The following CCDC85A variants were observed in gnomAD, a reference collection of about 807,000 sequenced individuals.
CCDC85A encodes coiled-coil domain-containing protein 85A.
A neutral mutation model predicts 50.2 loss-of-function variants in CCDC85A; 38 were observed. That is an observed-to-expected ratio of 0.76 (90% CI 0.58 to 0.99). The LOEUF is 0.99. Among genes scored for constraint, CCDC85A ranks in the 50% least tolerant of loss-of-function variants. CCDC85A has a pLI of 0.00. For synonymous variants in CCDC85A, 366 were observed against 301.4 expected (o/e 1.21, Z -2.22); for missense variants, 820 against 742.0 (o/e 1.11, Z -1.22).
intron 3 of CCDC85A, among the ~76,000 whole-genome samples, chr2:56,356,944 T>A (rs898840811): frequency 8.6e-5 from 13 of 151,586 alleles, no homozygotes; most frequent in Non-Finnish European, 8.8e-5. Flanking sequence ...CCAGGCGTGG[T>A]GGTGGGCACC....
intron 2 of CCDC85A, among the ~76,000 whole-genome samples, chr2:56,322,381 T>C (rs1673245661): frequency 1.3e-5 from 2 of 152,134 alleles, no homozygotes; most frequent in Admixed American, 1.3e-4. Flanking sequence ...AGAAAATTTT[T>C]GCAATCTACT....
chr2:56,340,483 CT>C (rs752544179), intron 2 of CCDC85A, among the ~76,000 whole-genome samples: 2 of 152,134 alleles, frequency 1.3e-5, no homozygotes, highest in African/African-American at 2.4e-5. Context: ...CCATATGAGT[CT>C]GCAGCAGCCC....
At chr2:56,383,653 T>C (rs771868571) in intron 5 of CCDC85A, 5 of 984,978 alleles carry the variant, frequency 5.1e-6, no homozygotes, top group Non-Finnish European at 6.0e-6. Context: ...TAGCTAAGAT[T>C]TGTGACAACT....
Position 56,192,706 on chromosome 2 carries a change from G to T in CCDC85A, c.506G>T (p.Cys169Phe). The change falls in exon 2 of 6, where the codon TGT (cysteine) becomes TTT (phenylalanine). Residue 169 changes from cysteine to phenylalanine, a missense_variant. Physicochemically the swap from Cys to Phe is radical, Grantham distance 205. Coordinates refer to ENST00000407595, the MANE Select transcript of CCDC85A (RefSeq NM_001080433.2). This position sits in a 1 kb window ranked among gnomAD's most constrained non-coding sequence, Gnocchi z 4.7. ...VKENMELKEL[C>F]VLLDEEKGAG... is the part of the protein sequence containing the mutation. ...GAGAACATGGAGCTCAAGGAGCTCT[G>T]TGTGCTACTAGATGAGGAGAAGGGT... is the stretch of plus-strand genomic sequence containing the variant. 4 of 1,613,866 alleles carry T rather than the reference G, an allele frequency of 2.5e-6. No individual in the cohort carries two copies. Among genetic ancestry groups the T allele is most frequent in the Non-Finnish European group, 2.5e-6 (3 of 1,179,872 alleles).
At chr2:56,331,946 C>CG (rs1558645386) in intron 2 of CCDC85A, among the ~76,000 whole-genome samples, 1 of 152,194 alleles carries the variant, frequency 6.6e-6, no homozygotes, top group Non-Finnish European at 1.5e-5. Flanking sequence ...GCCCCCTCCC[C>CG]GCCCCCCAGG....
chr2:56,264,327 T>G (rs1386480664), intron 2 of CCDC85A, among the ~76,000 whole-genome samples: 1 of 152,102 alleles, frequency 6.6e-6, no homozygotes, highest in Non-Finnish European at 1.5e-5. Context: ...GCTTCTAATA[T>G]TCCCATCTTC....
intron 2 of CCDC85A, among the ~76,000 whole-genome samples, chr2:56,248,896 G>A (rs1011667954): frequency 6.6e-6 from 1 of 152,142 alleles, no homozygotes; most frequent in African/African-American, 2.4e-5. Context: ...ATAGTATGAT[G>A]CCAAAATCCA....
At chr2:56,300,546 C>G (rs1363398318) in intron 2 of CCDC85A, among the ~76,000 whole-genome samples, 1 of 152,136 alleles carries the variant, frequency 6.6e-6, no homozygotes, top group Non-Finnish European at 1.5e-5. Flanking sequence ...GATCCAGTGA[C>G]ACTAGTTAGA....
chr2:56,292,502 C>T (rs1671760417), intron 2 of CCDC85A, among the ~76,000 whole-genome samples: 1 of 152,160 alleles, frequency 6.6e-6, no homozygotes, highest in South Asian at 2.1e-4. Flanking sequence ...CCTTCCACAA[C>T]CCTCTCTCAG....
chr2:56,195,557 A>G (rs1194003536), intron 2 of CCDC85A, among the ~76,000 whole-genome samples: 2 of 152,216 alleles, frequency 1.3e-5, no homozygotes, highest in Admixed American at 6.5e-5. Flanking sequence ...GCACAATGAG[A>G]TGTTTATGGA....
rs1558575829 is a variant in CCDC85A, at chr2:56,192,449, C to CCT, written c.277-27_277-26dup. The CCT allele has an allele frequency of 6.3e-7, 1 of 1,581,026 alleles. No individual in the cohort carries two copies. The highest frequency in any genetic ancestry group is 1.7e-5 in the Admixed American group (1 of 57,184). On this transcript the variant is annotated intron_variant, in intron 1 of 5. Coordinates refer to ENST00000407595, the MANE Select transcript of CCDC85A (RefSeq NM_001080433.2). This position sits in a 1 kb window ranked among gnomAD's most constrained non-coding sequence, Gnocchi z 4.7. ...TGCTGACACCTCAGATGTGTACTTC[C>CCT]CTTGAATGGTTGTGTCTCTCTTTTC... is the stretch of plus-strand genomic sequence containing the variant.
At chr2:56,348,050 T>TA (rs1179345800) in intron 3 of CCDC85A, among the ~76,000 whole-genome samples, 1 of 152,198 alleles carries the variant, frequency 6.6e-6, no homozygotes, top group African/African-American at 2.4e-5. Flanking sequence ...AAGTTATTAT[T>TA]AAACTATTCT....
chr2:56,287,445 T>C (rs72803026), intron 2 of CCDC85A, among the ~76,000 whole-genome samples: 17,398 of 152,220 alleles, frequency 0.11, 1,149 homozygotes, highest in Admixed American at 0.17. Flanking sequence ...TTCTCTTCTC[T>C]CAACAATTAC....
rs752911674 is a variant in CCDC85A at position 56,193,192 on chromosome 2, A to G, written c.992A>G (p.His331Arg). 16 of 1,612,206 alleles carry G rather than the reference A, an allele frequency of 9.9e-6. No homozygotes were observed. In the African/African-American group the frequency reaches 2.0e-4, roughly 20 times the overall value. The change falls in exon 2 of 6, where the codon CAC becomes CGC. Residue 331 changes from histidine (H) to arginine (R), a missense_variant. Transcript: ENST00000407595. ...GGGAGCAGCCCTGAACACGCCAGGC[A>G]CAGTGGAGGGAGCCCGGAGCATCTT... is the stretch of plus-strand genomic sequence containing the variant. ...RSGSSPEHAR[H>R]SGGSPEHLQK... is the part of the protein sequence containing the mutation.
chr2:56,317,650 C>A (rs1302722521), intron 2 of CCDC85A, among the ~76,000 whole-genome samples: 1 of 151,994 alleles, frequency 6.6e-6, no homozygotes, highest in African/African-American at 2.4e-5. Flanking sequence ...TTTCAAAGCT[C>A]CCCTGCAGAT....
At chr2:56,313,705 A>G (rs1041524350) in intron 2 of CCDC85A, among the ~76,000 whole-genome samples, 1 of 152,134 alleles carries the variant, frequency 6.6e-6, no homozygotes, top group African/African-American at 2.4e-5. Flanking sequence ...TCTGGTTGCC[A>G]TGGATACTTG....
chr2:56,296,620 G>T (rs1211544470), intron 2 of CCDC85A, among the ~76,000 whole-genome samples: 2 of 152,088 alleles, frequency 1.3e-5, no homozygotes, highest in Non-Finnish European at 2.9e-5. Context: ...AAAGGCTTTT[G>T]TCAGGATTCT....
chr2:56,218,324 T>C (rs1438657591), intron 2 of CCDC85A, among the ~76,000 whole-genome samples: 1 of 151,850 alleles, frequency 6.6e-6, no homozygotes, highest in Non-Finnish European at 1.5e-5. Context: ...CTAATTTTTT[T>C]AAATAAAAAA....
At chr2:56,273,944 C>T (rs149102458) in intron 2 of CCDC85A, among the ~76,000 whole-genome samples, 45 of 152,138 alleles carry the variant, frequency 3.0e-4, no homozygotes, top group African/African-American at 1.0e-3. Context: ...GAAAACTGGG[C>T]AATTGTTATC....
Sources: gnomAD v4.1 joint callset for allele counts (sites outside exome capture counted in the v4.1 genomes callset) on GRCh38, gnomAD v4.1.1 for gene constraint, Gnocchi (gnomAD v3.1) non-coding constraint, MANE v1.5 for transcripts, NCBI Gene and HGNC (gene_info 2026-07-23, HGNC 2026-07-21) for gene names.